CYTH3: variants seen among roughly 807,000 people sequenced by gnomAD.
CYTH3 encodes the protein cytohesin 3, also known as cytohesin-3.
In CYTH3, 23 loss-of-function variants were observed where a neutral mutation model predicts 55.1. The ratio of observed to expected loss-of-function variants is 0.42; its 90% CI spans 0.30 to 0.59. CYTH3 has a LOEUF of 0.59. Among genes scored for constraint, CYTH3 ranks in the 20% least tolerant of loss-of-function variants. CYTH3 has a pLI of 0.20. For missense variants in CYTH3, 413 were observed against 524.8 expected, an observed-to-expected ratio of 0.79 and a Z score of 2.08; for synonymous variants, 249 against 194.9, an observed-to-expected ratio of 1.28 and a Z score of -2.31.
chr7:6,251,886 C>G (rs1005065796), intron 1 of CYTH3, among the ~76,000 whole-genome samples: 1 of 152,060 alleles, frequency 6.6e-6, no homozygotes, highest in Admixed American at 6.6e-5. Context: ...GCTACAATTA[C>G]AAGAAATATG....
intron 4 of CYTH3, among the ~76,000 whole-genome samples, chr7:6,179,920 A>ACCAC (rs1356362177): frequency 4.3e-5 from 6 of 138,508 alleles, no homozygotes; most frequent in Non-Finnish European, 6.2e-5. Context: ...ACACACACAA[A>ACCAC]CCACACACAC....
rs896049019 is a variant in CYTH3, at chr7:6,272,615, C to T, written c.-108G>A. 73 of 863,432 alleles carry T rather than the reference C, an allele frequency of 8.5e-5. No homozygotes were observed. The highest frequency in any genetic ancestry group is 1.3e-4 in the African/African-American group (7 of 54,542). 53.5% of individuals were successfully genotyped at this position (863,432 alleles called of 1,614,324 possible). A position where few individuals can be genotyped will look rare whatever the true frequency, so the allele number is the denominator to read the frequency against. ...CAGGCGACCGGGCGGCTCCTCAGCG[C>T]GCGGCCCGGGTCGCGGCCGGGCCTC... On this transcript the variant is annotated 5_prime_UTR_variant, in exon 1 of 13. Transcript: ENST00000350796.
chr7:6,229,556 T>C (rs1359783650), intron 1 of CYTH3, among the ~76,000 whole-genome samples: 5 of 150,346 alleles, frequency 3.3e-5, no homozygotes, highest in Non-Finnish European at 7.4e-5. Flanking sequence ...ACGCCTGTAA[T>C]CCCAGCACTT....
intron 4 of CYTH3, among the ~76,000 whole-genome samples, chr7:6,179,325 G>A (rs1328449089): frequency 1.3e-5 from 2 of 152,150 alleles, no homozygotes. Flanking sequence ...GGTGATTAAG[G>A]ACTGGTTACC....
At position 6,171,609 on chromosome 7, in the gene CYTH3, G is replaced by T; in HGVS notation, c.450-295C>A. 3.0e-6 allele frequency: 1 copy of T among 334,274 alleles called. No homozygotes were observed. Among genetic ancestry groups the T allele is most frequent in the Non-Finnish European group, 5.9e-6 (1 of 170,890 alleles). The allele number at this position is 334,274 out of a possible 1,614,324, so 20.7% of individuals were successfully genotyped here. A position where few individuals can be genotyped will look rare whatever the true frequency, so the allele number is the denominator to read the frequency against. ...ATATCCAGGATCCTGGCACTTCTCT[G>T]TCCCCATTGCCACCATCTCCTGCTG... is the stretch of plus-strand genomic sequence containing the variant. On this transcript the variant is annotated intron_variant, in intron 6 of 12. Transcript: ENST00000350796. This position sits in a 1 kb window ranked among gnomAD's most constrained non-coding sequence, Gnocchi z 6.7.
At chr7:6,194,223 G>A (rs963188735) in intron 1 of CYTH3, among the ~76,000 whole-genome samples, 3 of 152,226 alleles carry the variant, frequency 2.0e-5, no homozygotes, top group Non-Finnish European at 4.4e-5. Flanking sequence ...GACAAGGCAA[G>A]GCAATGCTTG....
rs529896708 is a variant in CYTH3, at chr7:6,171,680, G to C, written c.450-366C>G. On this transcript the variant is annotated intron_variant, in intron 6 of 12. Coordinates refer to ENST00000350796, the MANE Select transcript of CYTH3 (RefSeq NM_004227.4). The surrounding 1 kb of genome is among the most constrained non-coding windows in gnomAD (Gnocchi z 6.7). ...CCCTGCCTGTCCCGAGCTGCCACCA[G>C]CCGGTCCTCCTTTCAGAACTCCCAC... 2.3e-5 allele frequency: 6 copies of C among 260,162 alleles called. No individual in the cohort carries two copies. The East Asian group carries it at 4.2e-4, about 18-fold the overall frequency. 16.1% of individuals were successfully genotyped at this position (260,162 alleles called of 1,614,324 possible).
rs1224169660 is a variant in CYTH3, at chr7:6,259,797, AT to A, written c.34+12676del. 5.0e-3 allele frequency among the ~76,000 whole-genome samples: 102 copies of A among 20,428 alleles called. 6 individuals carry two copies. Among genetic ancestry groups the A allele is most frequent in the African/African-American group, 0.045 (82 of 1,832 alleles). The allele number at this position is 20,428 out of a possible 152,430, so 13.4% of individuals were successfully genotyped here. On this transcript the variant is annotated intron_variant, in intron 1 of 12. Transcript: ENST00000350796. The stretch of plus-strand genomic sequence containing the variant: ...TTATATATATATAATATATATATAT[AT>A]ATATATATATATATAATATATATAT...
intron 1 of CYTH3, among the ~76,000 whole-genome samples, chr7:6,243,238 T>C (rs1779719522): frequency 1.3e-5 from 2 of 152,166 alleles, no homozygotes; most frequent in South Asian, 4.1e-4. Context: ...CTTGGTAAGA[T>C]GAGAAGAGCC....
In CYTH3 at chr7:6,172,856, G is replaced by A; in HGVS notation, c.449+797C>T. ...ACTGTTCAGCCCCAGGCTGCGCTGT[G>A]AGCACAACATCACGAGGGTCCCACA... On this transcript the variant is annotated intron_variant, in intron 6 of 12. Coordinates refer to ENST00000350796, the MANE Select transcript of CYTH3 (RefSeq NM_004227.4). 2.4e-6 allele frequency: 3 copies of A among 1,273,430 alleles called. 1 individual carries two copies. The highest frequency in any genetic ancestry group is 3.1e-6 in the Non-Finnish European group (3 of 978,412). 78.9% of individuals were successfully genotyped at this position (1,273,430 alleles called of 1,614,324 possible).
At chr7:6,247,912 C>T (rs1031187669) in intron 1 of CYTH3, among the ~76,000 whole-genome samples, 15 of 152,002 alleles carry the variant, frequency 9.9e-5, no homozygotes, top group Admixed American at 1.3e-4. Flanking sequence ...AGTGATCCCC[C>T]CATCTCAGCC....
chr7:6,229,554 A>T (rs1470535202), intron 1 of CYTH3, among the ~76,000 whole-genome samples: 1 of 151,910 alleles, frequency 6.6e-6, no homozygotes, highest in South Asian at 2.1e-4. Flanking sequence ...TCACGCCTGT[A>T]ATCCCAGCAC....
intron 1 of CYTH3, among the ~76,000 whole-genome samples, chr7:6,261,745 G>T (rs900492804): frequency 1.5e-4 from 21 of 143,320 alleles, no homozygotes; most frequent in African/African-American, 4.7e-4. Context: ...TACTTTAACT[G>T]CCTGCCAAAT....
intron 1 of CYTH3, among the ~76,000 whole-genome samples, chr7:6,230,871 T>G (rs1779375600): frequency 1.3e-5 from 2 of 152,220 alleles, no homozygotes; most frequent in Non-Finnish European, 2.9e-5. Context: ...TTCTTCTTTG[T>G]AATTTTCTAT....
chr7:6,217,802 AG>A (rs1784460632), intron 1 of CYTH3, among the ~76,000 whole-genome samples: 1 of 152,180 alleles, frequency 6.6e-6, no homozygotes, highest in African/African-American at 2.4e-5. Flanking sequence ...AAAGATATCC[AG>A]GTCCTAATCT....
chr7:6,223,836 T>TAAA (rs58813864), intron 1 of CYTH3, among the ~76,000 whole-genome samples: 8 of 24,282 alleles, frequency 3.3e-4, no homozygotes, highest in Non-Finnish European at 4.5e-4. Flanking sequence ...CAATAAATAC[T>TAAA]AAAAAAAAAA....
chr7:6,196,869 A>T (rs1205175043), intron 1 of CYTH3, among the ~76,000 whole-genome samples: 1 of 152,246 alleles, frequency 6.6e-6, no homozygotes, highest in Non-Finnish European at 1.5e-5. Flanking sequence ...AAGTCTGTCA[A>T]CAACATTTAC....
chr7:6,187,033 G>A lies in CYTH3; in HGVS notation c.249+17C>T, dbSNP rs547815126. The A allele has an allele frequency of 3.1e-6, 5 of 1,612,590 alleles. No homozygotes were observed. The East Asian group carries it at 8.9e-5, about 29-fold the overall frequency. ...GTCCATCTCCTGCAGGCCAGAAAAG[G>A]GAGAGCATTCTCTTACCTTTTTGGG... On this transcript the variant is annotated intron_variant, in intron 4 of 12. Coordinates refer to ENST00000350796, the MANE Select transcript of CYTH3 (RefSeq NM_004227.4).
At chr7:6,259,769 A>AT (rs1780254281) in intron 1 of CYTH3, among the ~76,000 whole-genome samples, 2 of 23,326 alleles carry the variant, frequency 8.6e-5, no homozygotes, top group Admixed American at 7.9e-4. Context: ...ATATATATAT[A>AT]TATTATATAT....
Sources: allele counts gnomAD v4.1 joint callset (sites outside exome capture counted in the v4.1 genomes callset), GRCh38; gene constraint gnomAD v4.1.1; non-coding constraint Gnocchi (gnomAD v3.1); transcripts MANE v1.5; gene names NCBI Gene and HGNC (gene_info 2026-07-23, HGNC 2026-07-21).